Variants in KMT2C observed in about 807,000 individuals in gnomAD.
KMT2C encodes the protein histone-lysine N-methyltransferase 2C.
KMT2C carries 88 observed loss-of-function variants against 507.9 expected under a neutral mutation model. The ratio of observed to expected loss-of-function variants is 0.17; its 90% CI spans 0.15 to 0.21. KMT2C has a LOEUF of 0.21. Ranked by LOEUF, KMT2C falls within the 10% of genes least tolerant of loss-of-function variation. KMT2C has a pLI of 1.00. For synonymous variants in KMT2C, 2,049 were observed against 2,080.8 expected (o/e 0.98, Z 0.42); for missense variants, 4,954 against 5,957.8 (o/e 0.83, Z 5.55).
At chr7:152,141,937 G>A (rs1735898058) in intron 55 of KMT2C, among the ~76,000 whole-genome samples, 2 of 151,958 alleles carry the variant, frequency 1.3e-5, no homozygotes, top group African/African-American at 4.8e-5. Flanking sequence ...TAAGAGGATC[G>A]CTTGAGCCCA....
intron 36 of KMT2C, 30 bp downstream of exon 36, chr7:152,180,681 T>C (rs201832557): frequency 1.3e-6 from 2 of 1,500,198 alleles, no homozygotes; most frequent in Non-Finnish European, 1.8e-6. Context: ...AAATAATACA[T>C]TTAAAACTGA....
intron 26 of KMT2C, among the ~76,000 whole-genome samples, 172 bp downstream of exon 26, chr7:152,202,762 G>A (rs1171438753): frequency 6.6e-6 from 1 of 152,080 alleles, no homozygotes; most frequent in Non-Finnish European, 1.5e-5. Flanking sequence ...CACAAAAAAA[G>A]TAAATTTAAT....
intron 3 of KMT2C, among the ~76,000 whole-genome samples, chr7:152,316,896 T>C (rs2096727540): frequency 6.6e-6 from 1 of 152,174 alleles, no homozygotes; most frequent in Non-Finnish European, 1.5e-5. Context: ...CACCACCTTA[T>C]GCTTTGCCAG....
At chr7:152,405,609 G>A (rs2097605960) in intron 1 of KMT2C, among the ~76,000 whole-genome samples, 1 of 151,808 alleles carries the variant, frequency 6.6e-6, no homozygotes, top group African/African-American at 2.4e-5. Flanking sequence ...ATAATATAAA[G>A]ATTATTATTT....
intron 9 of KMT2C, among the ~76,000 whole-genome samples, chr7:152,255,142 T>TATATATATAC (rs1273227523): frequency 4.4e-4 from 55 of 126,336 alleles, no homozygotes; most frequent in Non-Finnish European, 4.6e-4. Flanking sequence ...TATATATATA[T>TATATATATAC]ATACATATAT....
At chr7:152,290,258 G>GTGTGTGTGTGTATATA (rs1337492088) in intron 6 of KMT2C, among the ~76,000 whole-genome samples, 4 of 26,242 alleles carry the variant, frequency 1.5e-4, no homozygotes, top group African/African-American at 5.6e-4. Flanking sequence ...GTGTGTATGT[G>GTGTGTGTGTGTATATA]TATATATATA....
chr7:152,271,820 A>G (rs1178762668), intron 7 of KMT2C, among the ~76,000 whole-genome samples: 1 of 152,076 alleles, frequency 6.6e-6, no homozygotes, highest in Non-Finnish European at 1.5e-5. Context: ...CTACTTTAAG[A>G]TAATTTTTCA....
At chr7:152,182,839 T>C in intron 35 of KMT2C, 135 bp downstream of exon 35, 1 of 687,048 alleles carries the variant, frequency 1.5e-6, no homozygotes, top group East Asian at 2.9e-5. Context: ...TATATTTTAC[T>C]GAAAAGAGAA....
intron 2 of KMT2C, among the ~76,000 whole-genome samples, chr7:152,346,630 TGA>T (rs2097059726): frequency 6.6e-6 from 1 of 152,134 alleles, no homozygotes; most frequent in Admixed American, 6.5e-5. Context: ...CCTTGAACAA[TGA>T]GAGGGTTAGG....
At chr7:152,225,890 ACT>A (rs1468797020) in intron 18 of KMT2C, among the ~76,000 whole-genome samples, 1 of 152,104 alleles carries the variant, frequency 6.6e-6, no homozygotes, top group Non-Finnish European at 1.5e-5. Context: ...GTTATAAAAA[ACT>A]CCATGAAAGA....
intron 1 of KMT2C, among the ~76,000 whole-genome samples, chr7:152,371,642 C>A (rs536133613): frequency 2.0e-4 from 30 of 151,296 alleles, no homozygotes; most frequent in Middle Eastern, 6.9e-3. Flanking sequence ...GAGATGGAGT[C>A]TCGCTCTGTC....
At chr7:152,365,677 G>C (rs144800519) in intron 1 of KMT2C, among the ~76,000 whole-genome samples, 143 of 152,290 alleles carry the variant, frequency 9.4e-4, no homozygotes, top group African/African-American at 3.2e-3. Context: ...TTAGCCTCCC[G>C]GCCCAGTGTT....
chr7:152,202,438 T>C (rs1222731774), intron 26 of KMT2C, among the ~76,000 whole-genome samples: 2 of 152,228 alleles, frequency 1.3e-5, no homozygotes, highest in African/African-American at 4.8e-5. Flanking sequence ...CTGAAAGGTA[T>C]TTTTCTGATG....
chr7:152,281,045 A>G (rs2129181422), intron 6 of KMT2C, among the ~76,000 whole-genome samples: 1 of 152,326 alleles, frequency 6.6e-6, no homozygotes, highest in East Asian at 1.9e-4. Flanking sequence ...TAATCTCTCT[A>G]TTTGTAACAA....
At chr7:152,153,326 C>T (rs2091796577) in intron 48 of KMT2C, among the ~76,000 whole-genome samples, 1 of 152,156 alleles carries the variant, frequency 6.6e-6, no homozygotes, top group African/African-American at 2.4e-5. Context: ...AGACAAAGGT[C>T]TTGCTACTGC....
chr7:152,136,026 A>G lies in KMT2C; in HGVS notation c.*806T>C, dbSNP rs556980905. 3 of 223,966 alleles carry G rather than the reference A, an allele frequency of 1.3e-5. 1 individual carries two copies. Among genetic ancestry groups the G allele is most frequent in the South Asian group, 3.7e-4 (2 of 5,452 alleles). The allele number at this position is 223,966 out of a possible 1,614,324, so 13.9% of individuals were successfully genotyped here. ...TGCAGAGCCTGGTAGCATTTGGTCA[A>G]TAACTATTTTTATACTGTATTTTTT... On this transcript the variant is annotated 3_prime_UTR_variant, in exon 59 of 59. Coordinates refer to ENST00000262189, the MANE Select transcript of KMT2C (RefSeq NM_170606.3).
chr7:152,221,845 GAC>G (rs1043384638), intron 22 of KMT2C, among the ~76,000 whole-genome samples, 154 bp downstream of exon 22: 6 of 152,284 alleles, frequency 3.9e-5, no homozygotes, highest in African/African-American at 1.4e-4. Flanking sequence ...AAAGCTGGAT[GAC>G]ATTTTATATA....
At position 152,182,487 on chromosome 7, in the gene KMT2C, C is replaced by T. The variant is rs2093465919; in HGVS notation, c.5373G>A (p.Gln1791=). The T allele has an allele frequency of 3.1e-6, 5 of 1,613,904 alleles. No individual in the cohort carries two copies. The highest frequency in any genetic ancestry group is 2.7e-5 in the African/African-American group (2 of 74,926). The change falls in exon 36 of 59, where the codon CAG becomes CAA. Residue 1791 remains glutamine, a synonymous_variant. Coordinates refer to ENST00000262189, the MANE Select transcript of KMT2C (RefSeq NM_170606.3). The stretch of plus-strand genomic sequence containing the variant: ...CTGAACCAGACTGCACCAGAAGATG[C>T]TGAGAACCAAATTGCTGTTGTTGCT... ...QQQQQQQFGS[Q]HLLVQSGSDT... is the part of the protein sequence containing the mutation.
At chr7:152,413,828 T>G (rs1021737538) in intron 1 of KMT2C, among the ~76,000 whole-genome samples, 1 of 141,938 alleles carries the variant, frequency 7.0e-6, no homozygotes, top group African/African-American at 2.8e-5. Flanking sequence ...GAGGTTGCAG[T>G]GAGCCGAGAT....
Sources: gnomAD v4.1 joint callset for allele counts (sites outside exome capture counted in the v4.1 genomes callset) on GRCh38, gnomAD v4.1.1 for gene constraint, MANE v1.5 for transcripts, NCBI Gene and HGNC (gene_info 2026-07-23, HGNC 2026-07-21) for gene names.